CNTNAP4: variants seen among roughly 807,000 people sequenced by gnomAD.
CNTNAP4 encodes contactin associated protein family member 4.
Under a neutral mutation model 148.4 loss-of-function variants are expected in CNTNAP4, and 98 were observed. The ratio of observed to expected loss-of-function variants is 0.66; its 90% CI spans 0.56 to 0.78. CNTNAP4 has a LOEUF of 0.78. Ranked by LOEUF, CNTNAP4 falls within the 30% of genes least tolerant of loss-of-function variation. The pLI, the probability that CNTNAP4 is intolerant of heterozygous loss-of-function variation, is 0.00. For missense variants in CNTNAP4, 1,935 were observed against 1,565.6 expected, an observed-to-expected ratio of 1.24 and a Z score of -3.98; for synonymous variants, 730 against 565.1, an observed-to-expected ratio of 1.29 and a Z score of -4.14.
intron 3 of CNTNAP4, among the ~76,000 whole-genome samples, chr16:76,361,543 T>C (rs2013439435): frequency 6.6e-6 from 1 of 152,188 alleles, no homozygotes; most frequent in African/African-American, 2.4e-5. Flanking sequence ...ACCACAATTT[T>C]AAAATCTATT....
intron 1 of CNTNAP4, among the ~76,000 whole-genome samples, chr16:76,307,854 A>T (rs1466254604): frequency 6.6e-6 from 1 of 152,174 alleles, no homozygotes; most frequent in African/African-American, 2.4e-5. Flanking sequence ...TTAATTGTGA[A>T]GATTAATTGG....
intron 3 of CNTNAP4, 101 bp downstream of exon 3, chr16:76,355,612 G>T: frequency 1.3e-6 from 1 of 787,774 alleles, no homozygotes; most frequent in Non-Finnish European, 1.9e-6. Flanking sequence ...TACAGAATCT[G>T]CAGACTTACA....
chr16:76,549,748 A>C (rs747358385), intron 21 of CNTNAP4, among the ~76,000 whole-genome samples: 66 of 152,188 alleles, frequency 4.3e-4, no homozygotes, highest in Non-Finnish European at 8.8e-4. Context: ...AGATCAAGTG[A>C]ATGAAGTATT....
At chr16:76,492,366 A>G (rs991359693) in intron 13 of CNTNAP4, among the ~76,000 whole-genome samples, 2 of 152,208 alleles carry the variant, frequency 1.3e-5, no homozygotes, top group Admixed American at 1.3e-4. Context: ...CACACCTTAA[A>G]TGTGTACAAT....
intron 23 of CNTNAP4, among the ~76,000 whole-genome samples, chr16:76,556,137 G>T (rs1263010269): frequency 6.6e-6 from 1 of 151,744 alleles, no homozygotes; most frequent in Non-Finnish European, 1.5e-5. Context: ...TTTTTTACTT[G>T]CAAAATGAAT....
At chr16:76,437,176 G>T (rs1043311433) in intron 4 of CNTNAP4, among the ~76,000 whole-genome samples, 5 of 152,036 alleles carry the variant, frequency 3.3e-5, no homozygotes, top group African/African-American at 1.2e-4. Context: ...AGCCAGTCCA[G>T]CGTTTTCGTG....
chr16:76,544,555 T>C (rs1224386830), intron 21 of CNTNAP4, among the ~76,000 whole-genome samples: 2 of 152,178 alleles, frequency 1.3e-5, no homozygotes, highest in Non-Finnish European at 1.5e-5. Context: ...ATTGAAAGTT[T>C]AGAGCTATAG....
At chr16:76,500,979 G>T (rs2082616051) in intron 15 of CNTNAP4, among the ~76,000 whole-genome samples, 3 of 152,082 alleles carry the variant, frequency 2.0e-5, no homozygotes, top group Admixed American at 2.0e-4. Context: ...TATGCTAGGG[G>T]CACAACAGAA....
chr16:76,452,553 A>G lies in CNTNAP4; in HGVS notation c.1117A>G (p.Thr373Ala), dbSNP rs149288291. 58 of 1,614,042 alleles carry G rather than the reference A, an allele frequency of 3.6e-5. No homozygotes were observed. The African/African-American group carries it at 4.9e-4, about 14-fold the overall frequency. Residue 373 changes from threonine to alanine, a missense_variant, in exon 8 of 24, where the codon ACT becomes GCT. Coordinates refer to ENST00000611870, the MANE Select transcript of CNTNAP4 (RefSeq NM_033401.5). ...TTCACAACCACAATCTATGCCCGTGACTTTTCTGAGCTCCAGGAGTTATTT... is the reference window on the plus strand; with the variant it reads ...TTCACAACCACAATCTATGCCCGTGGCTTTTCTGAGCTCCAGGAGTTATTT... ...SCSQPQSMPV[T>A]FLSSRSYLAL...
chr16:76,456,639 C>G (rs982620675), intron 8 of CNTNAP4, among the ~76,000 whole-genome samples: 10 of 152,138 alleles, frequency 6.6e-5, no homozygotes, highest in African/African-American at 2.4e-4. Flanking sequence ...ACACCAAAGC[C>G]CAGCCCTCAG....
In CNTNAP4 at chr16:76,540,758, C is replaced by T; in HGVS notation, c.3410C>T (p.Ala1137Val). ...CTGTCATCAGGCACAGAATTCAGTG[C>T]AGTCAAATCTCTGGTATTGGGCAGG... ...VHLSSGTEFSAVKSLVLGRIL... is the reference protein window; with the variant it reads ...VHLSSGTEFSVVKSLVLGRIL... The change falls in exon 21 of 24, where the codon GCA (alanine) becomes GTA (valine). Residue 1137 changes from alanine to valine, a missense_variant. Physicochemically the swap from Ala to Val is moderately conservative, Grantham distance 64 (BLOSUM62 0). Transcript: ENST00000611870. 6.3e-7 allele frequency: 1 copy of T among 1,575,942 alleles called. No homozygotes were observed. Among genetic ancestry groups the T allele is most frequent in the Non-Finnish European group, 8.6e-7 (1 of 1,158,834 alleles).
chr16:76,528,029 A>G (rs914792035), intron 17 of CNTNAP4, among the ~76,000 whole-genome samples: 1 of 152,084 alleles, frequency 6.6e-6, no homozygotes, highest in African/African-American at 2.4e-5. Flanking sequence ...ATTTGGTAGA[A>G]CCCTATTGTG....
At chr16:76,520,359 A>G (rs944360480) in intron 15 of CNTNAP4, among the ~76,000 whole-genome samples, 5 of 152,206 alleles carry the variant, frequency 3.3e-5, no homozygotes, top group African/African-American at 9.6e-5. Flanking sequence ...GAAATTAAAG[A>G]TAAGTGGTAT....
chr16:76,425,425 G>A (rs1046676565), intron 3 of CNTNAP4, among the ~76,000 whole-genome samples: 4 of 152,114 alleles, frequency 2.6e-5, no homozygotes, highest in Admixed American at 1.3e-4. Context: ...GAACCACTTT[G>A]AGCTGAACAA....
At chr16:76,499,833 CT>C (rs1444561982) in intron 15 of CNTNAP4, among the ~76,000 whole-genome samples, 1 of 151,916 alleles carries the variant, frequency 6.6e-6, no homozygotes, top group African/African-American at 2.4e-5. Context: ...CCATTTAACC[CT>C]TAGTGGACAC....
At position 76,316,528 on chromosome 16, in the gene CNTNAP4, G is replaced by A. The variant is rs760662590; in HGVS notation, c.196+5G>A. On this transcript the variant is annotated splice_donor_5th_base_variant and intron_variant, in intron 2 of 23. Transcript: ENST00000611870. ...CAAGGCTGAATAGAAGAGATGGTAA[G>A]TCTGCTTTTCTCCTCTGACTGGCCC... 6.3e-7 allele frequency: 1 copy of A among 1,597,332 alleles called. No individual in the cohort carries two copies. The highest frequency in any genetic ancestry group is 8.6e-7 in the Non-Finnish European group (1 of 1,164,950).
intron 3 of CNTNAP4, among the ~76,000 whole-genome samples, chr16:76,412,993 T>C (rs548324322): frequency 6.6e-6 from 1 of 151,600 alleles, no homozygotes; most frequent in East Asian, 1.9e-4. Flanking sequence ...AAAATTTCTT[T>C]CTTTTTAATT....
intron 9 of CNTNAP4, among the ~76,000 whole-genome samples, chr16:76,463,975 T>A (rs2081081393): frequency 1.3e-5 from 2 of 152,162 alleles, no homozygotes; most frequent in Non-Finnish European, 2.9e-5. Flanking sequence ...CAATTGATGT[T>A]CTTTCACATC....
intron 23 of CNTNAP4, among the ~76,000 whole-genome samples, chr16:76,556,312 G>C (rs2085196765): frequency 6.6e-6 from 1 of 152,152 alleles, no homozygotes; most frequent in Non-Finnish European, 1.5e-5. Flanking sequence ...TTTAGGTGCA[G>C]CATCATAGAG....
Sources: allele counts gnomAD v4.1 joint callset (sites outside exome capture counted in the v4.1 genomes callset), GRCh38; gene constraint gnomAD v4.1.1; transcripts MANE v1.5; gene names NCBI Gene and HGNC (gene_info 2026-07-23, HGNC 2026-07-21).